Variants in REV3L observed in about 807,000 individuals in gnomAD.
The protein encoded by REV3L is REV3 like, DNA directed polymerase zeta catalytic subunit.
REV3L carries 69 observed loss-of-function variants against 299.4 expected under a neutral mutation model. That is an observed-to-expected ratio of 0.23 (90% CI 0.19 to 0.28). The LOEUF (loss-of-function observed/expected upper bound fraction) is 0.28, where lower values mean the gene tolerates loss of function less well. REV3L is among the 10% of genes least tolerant of loss of function. The pLI is 1.00. For missense variants in REV3L, 3,128 were observed against 3,693.8 expected, an observed-to-expected ratio of 0.85 and a Z score of 3.97; for synonymous variants, 1,238 against 1,271.4, an observed-to-expected ratio of 0.97 and a Z score of 0.56.
intron 26 of REV3L, among the ~76,000 whole-genome samples, chr6:111,321,408 T>C (rs1335569202): frequency 6.6e-6 from 1 of 152,216 alleles, no homozygotes; most frequent in Middle Eastern, 3.2e-3. Context: ...TTAACATTTT[T>C]CCCTAAATAT....
rs1197277464 is a variant in REV3L, at chr6:111,299,133, CCT to C, written c.*881_*882del. On this transcript the variant is annotated 3_prime_UTR_variant, in exon 32 of 32. Transcript: ENST00000368802. ...AAAACAATGCACTGACCACATAATT[CCT>C]TTTTTATTTTACACAGTTATACAAA... 6.6e-6 allele frequency: 1 copy of C among 152,372 alleles called. No homozygotes were observed. The highest frequency in any genetic ancestry group is 1.5e-5 in the Non-Finnish European group (1 of 67,954). The allele number at this position is 152,372 out of a possible 1,614,324, so 9.4% of individuals were successfully genotyped here.
At chr6:111,448,600 C>T (rs1008313593) in intron 1 of REV3L, among the ~76,000 whole-genome samples, 1 of 151,848 alleles carries the variant, frequency 6.6e-6, no homozygotes, top group Non-Finnish European at 1.5e-5. Flanking sequence ...GCTGGGATTA[C>T]AGGCGTGAGC....
intron 25 of REV3L, among the ~76,000 whole-genome samples, chr6:111,323,484 G>T (rs1456523513): frequency 6.6e-6 from 1 of 152,096 alleles, no homozygotes; most frequent in Non-Finnish European, 1.5e-5. Flanking sequence ...CTAATTATAT[G>T]ATGGGAAATA....
rs559231353 is a variant in REV3L, at chr6:111,456,799, T to A, written c.139+25951A>T. 2.0e-3 allele frequency among the ~76,000 whole-genome samples: 297 copies of A among 152,260 alleles called. 2 individuals carry two copies. The highest frequency in any genetic ancestry group is 3.5e-3 in the Non-Finnish European group (236 of 67,972). On this transcript the variant is annotated intron_variant, in intron 1 of 31. Transcript: ENST00000368802. ...GGTAAATCTGACACACCTGAATTGATGTAAATTTAATAGAAGCGTATCTTG... is the reference window on the plus strand; with the variant it reads ...GGTAAATCTGACACACCTGAATTGAAGTAAATTTAATAGAAGCGTATCTTG...
intron 1 of REV3L, among the ~76,000 whole-genome samples, chr6:111,436,749 T>C (rs1037842636): frequency 1.7e-4 from 26 of 152,152 alleles, no homozygotes; most frequent in Non-Finnish European, 3.2e-4. Flanking sequence ...CAATAATATG[T>C]TGTATATTTC....
At chr6:111,352,929 T>C (rs1361412242) in intron 18 of REV3L, among the ~76,000 whole-genome samples, 1 of 152,200 alleles carries the variant, frequency 6.6e-6, no homozygotes, top group African/African-American at 2.4e-5. Context: ...GAAAATTGTG[T>C]GGGAGAGAGC....
intron 26 of REV3L, among the ~76,000 whole-genome samples, chr6:111,318,976 G>A (rs779866496): frequency 2.0e-5 from 3 of 152,186 alleles, no homozygotes; most frequent in Non-Finnish European, 4.4e-5. Context: ...GAGTGAGGGC[G>A]AGGGATTCAC....
At chr6:111,315,174 T>G (rs1773390265) in intron 27 of REV3L, 93 bp downstream of exon 27, 1 of 1,035,280 alleles carries the variant, frequency 9.7e-7, no homozygotes, top group East Asian at 2.6e-5. Context: ...ACCCGTATAC[T>G]GTTAGTGATT....
At chr6:111,341,758 G>GA (rs1328243987) in intron 21 of REV3L, among the ~76,000 whole-genome samples, 1 of 150,744 alleles carries the variant, frequency 6.6e-6, no homozygotes, top group East Asian at 1.9e-4. Context: ...GCAGGAGTTG[G>GA]GGGGGGTCAG....
chr6:111,396,229 GT>G (rs1400768107), intron 4 of REV3L, among the ~76,000 whole-genome samples: 1 of 151,944 alleles, frequency 6.6e-6, no homozygotes, highest in African/African-American at 2.4e-5. Flanking sequence ...GTTTCACCAT[GT>G]TGCCCAGGAT....
At chr6:111,456,908 T>C (rs1790225420) in intron 1 of REV3L, among the ~76,000 whole-genome samples, 2 of 152,152 alleles carry the variant, frequency 1.3e-5, no homozygotes, top group South Asian at 4.1e-4. Flanking sequence ...TTCATCACTT[T>C]TAGTAGTTCA....
intron 1 of REV3L, among the ~76,000 whole-genome samples, chr6:111,421,803 A>C (rs139575830): frequency 6.6e-6 from 1 of 152,324 alleles, no homozygotes; most frequent in African/African-American, 2.4e-5. Context: ...TATGTGAGCA[A>C]GAACATTTAC....
At chr6:111,433,258 G>A (rs530200002) in intron 1 of REV3L, among the ~76,000 whole-genome samples, 1 of 151,742 alleles carries the variant, frequency 6.6e-6, no homozygotes, top group East Asian at 1.9e-4. Flanking sequence ...ATGAAAGGTT[G>A]TTTTTTTTAA....
At chr6:111,381,261 T>C in intron 10 of REV3L, 64 bp downstream of exon 10, 1 of 1,556,084 alleles carries the variant, frequency 6.4e-7, no homozygotes, top group Non-Finnish European at 8.7e-7. Flanking sequence ...AAAAAATGCC[T>C]CTTCACAACA....
In REV3L at chr6:111,404,769, T is replaced by C. The variant is rs188956164; in HGVS notation, c.565+701A>G. 2.0e-5 allele frequency among the ~76,000 whole-genome samples: 3 copies of C among 152,314 alleles called. No homozygotes were observed. In the East Asian group the frequency reaches 5.8e-4, roughly 29 times the overall value. ...CTGTTTTGTTCATAATATCAACGGC[T>C]CTATAAATAAAGAACTTTAAAGAAA... is the stretch of plus-strand genomic sequence containing the variant. On this transcript the variant is annotated intron_variant, in intron 4 of 31. Coordinates refer to ENST00000368802, the MANE Select transcript of REV3L (RefSeq NM_001372078.1).
rs968093988 is a variant in REV3L, at chr6:111,335,396, A to T, written c.7680+73T>A. 4.8e-6 allele frequency: 7 copies of T among 1,457,872 alleles called. No homozygotes were observed. The African/African-American group carries it at 1.0e-4, about 21-fold the overall frequency. 90.3% of individuals were successfully genotyped at this position (1,457,872 alleles called of 1,614,324 possible). A position where few individuals can be genotyped will look rare whatever the true frequency, so the allele number is the denominator to read the frequency against. ...ACCAAACAGAAAGTTTAAAAAGTCA[A>T]ATCACTTCAAACATCACAAAAGTGT... On this transcript the variant is annotated intron_variant, in intron 22 of 31. Transcript: ENST00000368802.
intron 25 of REV3L, among the ~76,000 whole-genome samples, chr6:111,327,325 C>T (rs1307522942): frequency 1.3e-5 from 2 of 152,098 alleles, no homozygotes; most frequent in Non-Finnish European, 2.9e-5. Flanking sequence ...CCTGCCAAGG[C>T]AGGAGAATCA....
chr6:111,468,419 T>C (rs376770405), intron 1 of REV3L, among the ~76,000 whole-genome samples: 6 of 152,176 alleles, frequency 3.9e-5, no homozygotes, highest in African/African-American at 1.4e-4. Flanking sequence ...TGAAGGCTCT[T>C]TGGAATCAGT....
intron 1 of REV3L, among the ~76,000 whole-genome samples, chr6:111,443,695 T>G (rs1360252595): frequency 6.6e-6 from 1 of 152,206 alleles, no homozygotes; most frequent in Non-Finnish European, 1.5e-5. Context: ...GTTCATATTT[T>G]GCAGATGTGT....
Sources: allele counts gnomAD v4.1 joint callset (sites outside exome capture counted in the v4.1 genomes callset), GRCh38; gene constraint gnomAD v4.1.1; transcripts MANE v1.5; gene names NCBI Gene and HGNC (gene_info 2026-07-23, HGNC 2026-07-21).